CEP89: variants seen among roughly 807,000 people sequenced by gnomAD.
The protein encoded by CEP89 is centrosomal protein 89.
Under a neutral mutation model 97.6 loss-of-function variants are expected in CEP89, and 95 were observed. The ratio of observed to expected loss-of-function variants is 0.97; its 90% CI spans 0.82 to 1.15. The LOEUF (loss-of-function observed/expected upper bound fraction) is 1.15. Among genes scored for constraint, CEP89 ranks in the 50% most tolerant of loss-of-function variants. The pLI is 0.00. For synonymous variants in CEP89, 354 were observed against 349.1 expected, an observed-to-expected ratio of 1.01 and a Z score of -0.16; for missense variants, 869 against 947.7, an observed-to-expected ratio of 0.92 and a Z score of 1.09.
intron 5 of CEP89, among the ~76,000 whole-genome samples, chr19:32,945,474 T>G (rs1970778104): frequency 6.6e-6 from 1 of 152,056 alleles, no homozygotes; most frequent in South Asian, 2.1e-4. Context: ...CCCAAGTATG[T>G]GGGTGGCCAC....
At chr19:32,882,388 C>T (rs1969302807) in intron 17 of CEP89, among the ~76,000 whole-genome samples, 1 of 151,986 alleles carries the variant, frequency 6.6e-6, no homozygotes, top group Non-Finnish European at 1.5e-5. Flanking sequence ...CATGGTGAAA[C>T]CCTGTCTCTA....
rs192225846 is a variant in CEP89 at position 32,939,182 on chromosome 19, T to C, written c.624+675A>G. On this transcript the variant is annotated intron_variant, in intron 6 of 18. Transcript: ENST00000305768. ...AAAAGAATCACTTGATCCCAGGAGATTGAGGCTACAGTGAGCTATGATCAC... is the reference window on the plus strand; with the variant it reads ...AAAAGAATCACTTGATCCCAGGAGACTGAGGCTACAGTGAGCTATGATCAC... 3.1e-3 allele frequency among the ~76,000 whole-genome samples: 470 copies of C among 151,888 alleles called. 7 individuals are homozygous for C. Among genetic ancestry groups the C allele is most frequent in the African/African-American group, 0.01 (430 of 41,410 alleles).
chr19:32,946,426 T>C (rs1310535024), intron 5 of CEP89, among the ~76,000 whole-genome samples: 1 of 152,146 alleles, frequency 6.6e-6, no homozygotes. Context: ...TCTGGGGACA[T>C]AGAAAGACAT....
At chr19:32,911,278 G>A (rs1348765730) in intron 14 of CEP89, among the ~76,000 whole-genome samples, 1 of 152,226 alleles carries the variant, frequency 6.6e-6, no homozygotes, top group Non-Finnish European at 1.5e-5. Context: ...AAACACATTG[G>A]TCGCAGGAGC....
chr19:32,931,251 C>T (rs925862918), intron 9 of CEP89, 178 bp downstream of exon 9: 68 of 572,204 alleles, frequency 1.2e-4, no homozygotes, highest in East Asian at 1.1e-3. Context: ...GCCTTTATTA[C>T]GGGGAAGAAG....
chr19:32,947,861 T>C (rs1328553083), intron 5 of CEP89, among the ~76,000 whole-genome samples: 1 of 152,140 alleles, frequency 6.6e-6, no homozygotes, highest in African/African-American at 2.4e-5. Context: ...AATGCAATGG[T>C]GCAATCATGG....
intron 3 of CEP89, among the ~76,000 whole-genome samples, chr19:32,958,424 C>A (rs1205025974): frequency 6.6e-6 from 1 of 151,964 alleles, no homozygotes; most frequent in Admixed American, 6.6e-5. Flanking sequence ...GTGGCTCACA[C>A]TTGTAATCCC....
At chr19:32,938,250 TC>T (rs754528050) in intron 6 of CEP89, among the ~76,000 whole-genome samples, 27 of 152,264 alleles carry the variant, frequency 1.8e-4, no homozygotes, top group African/African-American at 5.3e-4. Flanking sequence ...TACAGGTAGA[TC>T]CCGTGAGTAG....
chr19:32,905,663 A>G (rs1969873703), intron 14 of CEP89, among the ~76,000 whole-genome samples: 1 of 152,204 alleles, frequency 6.6e-6, no homozygotes, highest in Non-Finnish European at 1.5e-5. Flanking sequence ...ATTTGTGTGA[A>G]TTCTACTTGG....
At chr19:32,880,933 C>T (rs1006497495) in intron 18 of CEP89, among the ~76,000 whole-genome samples, 3 of 152,076 alleles carry the variant, frequency 2.0e-5, no homozygotes, top group Admixed American at 6.6e-5. Flanking sequence ...ACTAGAGGCA[C>T]TGTGAAGGTA....
rs562134864 is a variant in CEP89 at position 32,941,911 on chromosome 19, C to G, written c.596-2026G>C. On this transcript the variant is annotated intron_variant, in intron 5 of 18. Coordinates refer to ENST00000305768, the MANE Select transcript of CEP89 (RefSeq NM_032816.5). ...CAATGAGCAAATGTTTAAAGTGATA[C>G]AATAAGAAAAAATATATATTTTTAA... Among the ~76,000 whole-genome samples the G allele has an allele frequency of 7.2e-5, 11 of 152,192 alleles. No individual in the cohort carries two copies. In the East Asian group the frequency reaches 2.1e-3, roughly 29 times the overall value.
rs373946869 is a variant in CEP89, at chr19:32,948,376, T to G, written c.493-8A>C. The stretch of plus-strand genomic sequence containing the variant: ...CTCATGTAACAATGGCACCTTTTTG[T>G]TATAAAAGACAAAGGAGCAAAAAAG... On this transcript the variant is annotated splice_region_variant and splice_polypyrimidine_tract_variant and intron_variant, in intron 4 of 18. Coordinates refer to ENST00000305768, the MANE Select transcript of CEP89 (RefSeq NM_032816.5). The G allele has an allele frequency of 3.6e-5, 57 of 1,581,748 alleles. No individual in the cohort carries two copies. In the African/African-American group the frequency reaches 7.5e-4, roughly 21 times the overall value.
At chr19:32,929,100 A>G (rs1168515289) in intron 9 of CEP89, among the ~76,000 whole-genome samples, 1 of 152,190 alleles carries the variant, frequency 6.6e-6, no homozygotes, top group Non-Finnish European at 1.5e-5. Context: ...CTTAATATCT[A>G]TGTAATTACT....
intron 2 of CEP89, among the ~76,000 whole-genome samples, chr19:32,962,725 A>G (rs1373304799): frequency 6.6e-6 from 1 of 152,190 alleles, no homozygotes; most frequent in Non-Finnish European, 1.5e-5. Flanking sequence ...CACATATTTG[A>G]TAAAAGACTT....
In CEP89 at chr19:32,960,024, A is replaced by G. The variant is rs766854540; in HGVS notation, c.181T>C (p.Leu61=). The change falls in exon 3 of 19, where the codon TTG becomes CTG. Residue 61 remains leucine (L), a synonymous_variant. Transcript: ENST00000305768. ...GGAATAGCAACCGTCCGCCCAGTCA[A>G]TGTTGTCGCCAGAATGGCTGCTGCC... ...ALAAAILATT[L]TGRTVAIPQP... 7 of 1,614,108 alleles carry G rather than the reference A, an allele frequency of 4.3e-6. No homozygotes were observed. Among genetic ancestry groups the G allele is most frequent in the Non-Finnish European group, 5.1e-6 (6 of 1,180,046 alleles).
intron 9 of CEP89, chr19:32,931,219 C>G (rs1970465949): frequency 3.7e-6 from 2 of 543,126 alleles, no homozygotes; most frequent in Non-Finnish European, 6.3e-6. Context: ...CTGTATTGTC[C>G]CAATGTTTTA....
At chr19:32,923,168 CA>C (rs1325026180) in intron 12 of CEP89, among the ~76,000 whole-genome samples, 1 of 152,154 alleles carries the variant, frequency 6.6e-6, no homozygotes, top group Non-Finnish European at 1.5e-5. Context: ...ATGGAAAAAT[CA>C]CCCTAGAAAA....
At chr19:32,884,684 C>A (rs1278069266) in intron 17 of CEP89, among the ~76,000 whole-genome samples, 2 of 151,936 alleles carry the variant, frequency 1.3e-5, no homozygotes, top group African/African-American at 2.4e-5. Flanking sequence ...GGCTCAAGAT[C>A]CTCCTGCAGA....
intron 14 of CEP89, among the ~76,000 whole-genome samples, chr19:32,911,974 C>T (rs1970010370): frequency 2.6e-5 from 4 of 152,226 alleles, no homozygotes; most frequent in South Asian, 4.1e-4. Context: ...CACCTGTAAT[C>T]CCAGCACTTT....
Sources: gnomAD v4.1 joint callset for allele counts (sites outside exome capture counted in the v4.1 genomes callset) on GRCh38, gnomAD v4.1.1 for gene constraint, MANE v1.5 for transcripts, NCBI Gene and HGNC (gene_info 2026-07-23, HGNC 2026-07-21) for gene names.